Variants in FANK1 observed in about 807,000 individuals in gnomAD.
FANK1 encodes fibronectin type III and ankyrin repeat domains 1.
A neutral mutation model predicts 45.3 loss-of-function variants in FANK1; 44 were observed. The observed-to-expected ratio is 0.97, with a 90% CI of 0.76 to 1.25. The LOEUF (loss-of-function observed/expected upper bound fraction) is 1.25, where lower values mean the gene tolerates loss of function less well. Ranked by LOEUF, FANK1 falls within the 50% of genes most tolerant of loss-of-function variation. The pLI, the probability that FANK1 is intolerant of heterozygous loss-of-function variation, is 0.00. For missense variants in FANK1, 391 were observed against 424.4 expected (o/e 0.92, Z 0.69); for synonymous variants, 149 against 152.5 (o/e 0.98, Z 0.17).
chr10:125,980,264 A>C lies in FANK1; in HGVS notation c.117A>C (p.Gly39=). ...TGGAAAAGAAAGCCAAACGCCAAGG[A>C]CCTCAAGAGCAGTGGTTCAGGTTCT... ...WDLEKKAKRQ[G]PQEQWFRFSI... The change falls in exon 2 of 11, where the codon GGA becomes GGC. Residue 39 remains glycine (G), a synonymous_variant. Coordinates refer to ENST00000368693, the MANE Select transcript of FANK1 (RefSeq NM_145235.5). 6.2e-7 allele frequency: 1 copy of C among 1,614,174 alleles called. No individual in the cohort carries two copies. Among genetic ancestry groups the C allele is most frequent in the Non-Finnish European group, 8.5e-7 (1 of 1,180,030 alleles).
intron 1 of FANK1, among the ~76,000 whole-genome samples, chr10:125,962,632 T>A (rs1949992718): frequency 6.6e-6 from 1 of 152,146 alleles, no homozygotes; most frequent in Non-Finnish European, 1.5e-5. Flanking sequence ...GTATTTTTTA[T>A]TTTTAACAGT....
intron 1 of FANK1, among the ~76,000 whole-genome samples, chr10:125,937,880 C>T (rs546882072): frequency 2.0e-5 from 3 of 152,290 alleles, no homozygotes; most frequent in South Asian, 4.1e-4. Flanking sequence ...GTAACTTTAA[C>T]ACGCTTAACA....
chr10:125,996,434 T>C (rs1415547005), intron 4 of FANK1, 116 bp from the exon 5 acceptor site: 3 of 825,972 alleles, frequency 3.6e-6, no homozygotes, highest in African/African-American at 1.7e-5. Context: ...ACAAAGAAAT[T>C]GGAATTTTCA....
chr10:125,926,088 C>A (rs1278261519), intron 1 of FANK1, among the ~76,000 whole-genome samples: 1 of 151,988 alleles, frequency 6.6e-6, no homozygotes, highest in Admixed American at 6.6e-5. Flanking sequence ...AAAATTTATC[C>A]TCCTCCTGGG....
At chr10:125,988,499 G>C in intron 2 of FANK1, 52 bp from the exon 3 acceptor site, 2 of 1,597,692 alleles carry the variant, frequency 1.3e-6, no homozygotes, top group Non-Finnish European at 1.7e-6. Flanking sequence ...TTATCAGAGA[G>C]TGCAGATTAA....
chr10:125,923,623 G>A (rs1173750972), intron 1 of FANK1, among the ~76,000 whole-genome samples: 2 of 152,064 alleles, frequency 1.3e-5, no homozygotes, highest in Admixed American at 6.5e-5. Context: ...CGCCTCCCAG[G>A]CTCAAGCCAC....
chr10:125,939,887 CAG>C (rs1948333330), intron 1 of FANK1, among the ~76,000 whole-genome samples: 1 of 151,522 alleles, frequency 6.6e-6, no homozygotes, highest in Non-Finnish European at 1.5e-5. Context: ...TTATTAAAGA[CAG>C]GGTCAATAAA....
intron 1 of FANK1, among the ~76,000 whole-genome samples, chr10:125,936,777 G>T (rs1243017753): frequency 3.9e-5 from 6 of 151,990 alleles, no homozygotes; most frequent in Admixed American, 3.9e-4. Flanking sequence ...ATTATGAATA[G>T]TACCTCTAGG....
At chr10:125,973,865 A>G (rs920104961) in intron 1 of FANK1, 1 of 151,524 alleles carries the variant, frequency 6.6e-6, no homozygotes, top group East Asian at 1.9e-4. Flanking sequence ...TTTACTACAT[A>G]TCTGTGCATT....
intron 1 of FANK1, among the ~76,000 whole-genome samples, chr10:125,899,673 T>G (rs963373605): frequency 8.5e-5 from 13 of 152,228 alleles, no homozygotes; most frequent in African/African-American, 3.1e-4. Flanking sequence ...AGTTATTTCC[T>G]ACTGTCAGCC....
At chr10:125,930,472 G>A (rs115346208) in intron 1 of FANK1, among the ~76,000 whole-genome samples, 4,732 of 151,768 alleles carry the variant, frequency 0.031, 130 homozygotes, top group African/African-American at 0.06. Context: ...GAGCAGCTGG[G>A]ACAGCAGGCA....
At chr10:125,949,362 A>G (rs1305295668) in intron 1 of FANK1, among the ~76,000 whole-genome samples, 1 of 152,086 alleles carries the variant, frequency 6.6e-6, no homozygotes, top group African/African-American at 2.4e-5. Context: ...TTGTATATCT[A>G]GAAAACCCCA....
chr10:125,934,421 G>A (rs1384189697), intron 1 of FANK1, among the ~76,000 whole-genome samples: 1 of 152,126 alleles, frequency 6.6e-6, no homozygotes. Flanking sequence ...TGAGGGCTGA[G>A]CTGAGCGTGG....
At chr10:126,002,283 G>C (rs1040684900) in intron 6 of FANK1, among the ~76,000 whole-genome samples, 2 of 151,934 alleles carry the variant, frequency 1.3e-5, no homozygotes, top group African/African-American at 4.8e-5. Context: ...GTGCAATCCA[G>C]CCTGGGCGAT....
intron 1 of FANK1, among the ~76,000 whole-genome samples, chr10:125,912,091 C>T (rs1220236501): frequency 1.3e-5 from 2 of 152,162 alleles, no homozygotes; most frequent in South Asian, 2.1e-4. Context: ...ATGCCCTGAT[C>T]GTCTTTGATG....
chr10:125,999,052 C>G (rs1207946150), intron 6 of FANK1, among the ~76,000 whole-genome samples: 4 of 152,152 alleles, frequency 2.6e-5, no homozygotes, highest in African/African-American at 9.7e-5. Context: ...TCTTCCATCC[C>G]TCCTATGAGG....
At chr10:125,906,107 A>G (rs1337660190) in intron 1 of FANK1, among the ~76,000 whole-genome samples, 14 of 152,416 alleles carry the variant, frequency 9.2e-5, no homozygotes, top group East Asian at 5.8e-4. Context: ...TTCACGTTCA[A>G]CAGAATAGCA....
rs565596459 is a variant in FANK1 at position 125,975,760 on chromosome 10, A to G, written c.14-4401A>G. Among the ~76,000 whole-genome samples, 21 of 152,292 alleles carry G rather than the reference A, an allele frequency of 1.4e-4. No individual in the cohort carries two copies. The South Asian group carries it at 4.3e-3, about 32-fold the overall frequency. ...CCATTCTGTGCCTTTTAAGTGGGGC[A>G]TTTAGCCTGTTTACATTCAAGGTTA... On this transcript the variant is annotated intron_variant, in intron 1 of 10. Coordinates refer to ENST00000368693, the MANE Select transcript of FANK1 (RefSeq NM_145235.5).
intron 1 of FANK1, among the ~76,000 whole-genome samples, chr10:125,957,270 GTT>G (rs1949639413): frequency 6.6e-6 from 1 of 152,114 alleles, no homozygotes; most frequent in African/African-American, 2.4e-5. Flanking sequence ...CTGTGCTGTT[GTT>G]ATCCTCTATG....
Sources: allele counts gnomAD v4.1 joint callset (sites outside exome capture counted in the v4.1 genomes callset), GRCh38; gene constraint gnomAD v4.1.1; transcripts MANE v1.5; gene names NCBI Gene and HGNC (gene_info 2026-07-23, HGNC 2026-07-21).